OGA: variants seen among roughly 807,000 people sequenced by gnomAD.
OGA encodes the protein O-GlcNAcase.
In OGA, 21 loss-of-function variants were observed where a neutral mutation model predicts 102.0. The ratio of observed to expected loss-of-function variants is 0.21; its 90% confidence interval spans 0.15 to 0.30. OGA has a LOEUF of 0.30. OGA is among the 10% of genes least tolerant of loss of function. The pLI is 1.00. For synonymous variants in OGA, 408 were observed against 378.2 expected (o/e 1.08, Z -0.91); for missense variants, 765 against 1,107.8 (o/e 0.69, Z 4.39).
chr10:101,811,953 GA>G (rs1420410843), intron 3 of OGA, among the ~76,000 whole-genome samples: 1 of 152,050 alleles, frequency 6.6e-6, no homozygotes, highest in African/African-American at 2.4e-5. Flanking sequence ...AGCACCACCA[GA>G]AAGTAATTAA....
chr10:101,798,365 G>A (rs1301160644), intron 9 of OGA, among the ~76,000 whole-genome samples: 1 of 150,988 alleles, frequency 6.6e-6, no homozygotes, highest in Non-Finnish European at 1.5e-5. Context: ...TGAAACTGAA[G>A]GTACCAGATT....
intron 3 of OGA, among the ~76,000 whole-genome samples, chr10:101,810,587 A>G (rs998222257): frequency 1.3e-5 from 2 of 152,248 alleles, no homozygotes; most frequent in African/African-American, 4.8e-5. Context: ...TCACTTCCAA[A>G]TAGTTTCTTA....
Position 101,800,522 on chromosome 10 carries a change from GAACA to G in OGA, c.1037-126_1037-123del, listed in dbSNP as rs2065375480. On this transcript the variant is annotated intron_variant, in intron 7 of 15. Coordinates refer to ENST00000361464, the MANE Select transcript of OGA (RefSeq NM_012215.5). ...ACCACAGAAACAAAGAACAGAATGA[GAACA>G]AACCTTAAACATAAAAATTCAAATA... 4.2e-6 allele frequency: 3 copies of G among 714,948 alleles called. 1 individual carries two copies. Among genetic ancestry groups the G allele is most frequent in the South Asian group, 4.1e-5 (2 of 48,442 alleles). 44.3% of individuals were successfully genotyped at this position (714,948 alleles called of 1,614,324 possible).
chr10:101,816,077 G>C (rs879238735), intron 1 of OGA, among the ~76,000 whole-genome samples: 2 of 147,134 alleles, frequency 1.4e-5, no homozygotes, highest in Admixed American at 1.4e-4. Flanking sequence ...GTGGAAACCT[G>C]CCTGGGCAAC....
At chr10:101,797,481 GAATA>G (rs2065330559) in intron 10 of OGA, 1 of 158,822 alleles carries the variant, frequency 6.3e-6, no homozygotes. Flanking sequence ...AAATAATACT[GAATA>G]GCACCAGAAT....
chr10:101,800,951 T>C (rs1589831318), intron 7 of OGA, among the ~76,000 whole-genome samples: 1 of 151,944 alleles, frequency 6.6e-6, no homozygotes, highest in East Asian at 1.9e-4. Flanking sequence ...ATTTTTCTAT[T>C]ATTCGTGAAG....
At chr10:101,808,765 C>T (rs925160226) in intron 4 of OGA, among the ~76,000 whole-genome samples, 3 of 151,992 alleles carry the variant, frequency 2.0e-5, no homozygotes, top group African/African-American at 7.3e-5. Flanking sequence ...GTTAGGAGTT[C>T]GAGACCAGCC....
intron 1 of OGA, among the ~76,000 whole-genome samples, chr10:101,815,989 A>AAAAAAAAAAAT (rs2065618933): frequency 6.7e-6 from 1 of 150,106 alleles, no homozygotes; most frequent in Non-Finnish European, 1.5e-5. Context: ...AAAAAAAAAA[A>AAAAAAAAAAAT]AGCCAGGCGC....
intron 1 of OGA, among the ~76,000 whole-genome samples, 175 bp from the exon 2 acceptor site, chr10:101,813,781 C>T (rs980476300): frequency 1.3e-4 from 20 of 152,214 alleles, no homozygotes; most frequent in Admixed American, 5.2e-4. Context: ...TGGGTGGTGA[C>T]GTTACAAGGT....
intron 15 of OGA, 85 bp downstream of exon 15, chr10:101,787,279 T>G (rs1284324660): frequency 1.5e-6 from 2 of 1,343,868 alleles, no homozygotes; most frequent in East Asian, 4.7e-5. Context: ...AATTTACAAT[T>G]CACTTCTTTC....
intron 1 of OGA, among the ~76,000 whole-genome samples, chr10:101,816,786 C>G (rs192415409): frequency 1.3e-5 from 2 of 152,058 alleles, no homozygotes; most frequent in East Asian, 3.9e-4. Context: ...ACCCATTTTT[C>G]GAAAGAATAC....
rs1401522034 is a variant in OGA at position 101,785,916 on chromosome 10, GAAT to G, written c.*532_*534del. The G allele has an allele frequency of 6.6e-6, 1 of 152,232 alleles. No homozygotes were observed. Among genetic ancestry groups the G allele is most frequent in the African/African-American group, 2.4e-5 (1 of 41,454 alleles). 9.4% of individuals were successfully genotyped at this position (152,232 alleles called of 1,614,324 possible). On this transcript the variant is annotated 3_prime_UTR_variant, in exon 16 of 16. Transcript: ENST00000361464. The stretch of plus-strand genomic sequence containing the variant: ...ATTGGCCACGGCTTTACAAAAAGCA[GAAT>G]AACTGCCCCAAATTGAAATTATTTA...
chr10:101,789,255 T>C (rs573411167), intron 14 of OGA, among the ~76,000 whole-genome samples: 46 of 151,942 alleles, frequency 3.0e-4, no homozygotes, highest in Non-Finnish European at 5.9e-4. Flanking sequence ...TCCTAGCACT[T>C]TGGGAGGCTG....
At chr10:101,806,567 G>A (rs2065477524) in intron 5 of OGA, among the ~76,000 whole-genome samples, 1 of 152,192 alleles carries the variant, frequency 6.6e-6, no homozygotes, top group African/African-American at 2.4e-5. Flanking sequence ...AAAGTGGGCA[G>A]TTCATTTAAG....
intron 6 of OGA, 116 bp from the exon 7 acceptor site, chr10:101,804,135 A>G: frequency 1.2e-6 from 1 of 855,200 alleles, no homozygotes; most frequent in Non-Finnish European, 1.8e-6. Flanking sequence ...ATTTGAGCCC[A>G]GGAGTTCGGA....
intron 7 of OGA, among the ~76,000 whole-genome samples, chr10:101,801,194 T>G (rs1355673650): frequency 6.6e-6 from 1 of 151,846 alleles, no homozygotes; most frequent in African/African-American, 2.4e-5. Context: ...AGTTTGAGAC[T>G]AGCCTGGCCA....
chr10:101,818,014 C>G lies in OGA; in HGVS notation c.9G>C (p.Gln3His), dbSNP rs748597306. Reference protein sequence around the residue: MVQKESQATLEER... With the variant: MVHKESQATLEER... Reference sequence around the variant, plus strand: ...CCTCCAACGTCGCTTGACTCTCCTTCTGCACCATCCTCCTGCCCCCGGCCG... The same window carrying G: ...CCTCCAACGTCGCTTGACTCTCCTTGTGCACCATCCTCCTGCCCCCGGCCG... The change falls in exon 1 of 16, where the codon CAG becomes CAC. Residue 3 changes from glutamine to histidine, a missense_variant. This residue lies in a region of OGA where 117 missense variants were observed against 85.7 expected (regional missense o/e 1.36). Coordinates refer to ENST00000361464, the MANE Select transcript of OGA (RefSeq NM_012215.5). 61 of 1,588,024 alleles carry G rather than the reference C, an allele frequency of 3.8e-5. No individual in the cohort carries two copies. The highest frequency in any genetic ancestry group is 4.7e-5 in the Non-Finnish European group (55 of 1,161,902).
At position 101,818,413 on chromosome 10, in the gene OGA, C is replaced by A; in HGVS notation, c.-391G>T. On this transcript the variant is annotated 5_prime_UTR_variant, in exon 1 of 16. Coordinates refer to ENST00000361464, the MANE Select transcript of OGA (RefSeq NM_012215.5). Reference sequence around the variant, plus strand: ...CAAGCCCCGAGCTCTCCCTCTGCTGCTGCCTCCACCGCCCGCTTCCTGTTT... The same window carrying A: ...CAAGCCCCGAGCTCTCCCTCTGCTGATGCCTCCACCGCCCGCTTCCTGTTT... The A allele has an allele frequency of 9.8e-7, 1 of 1,017,278 alleles. No homozygotes were observed. The highest frequency in any genetic ancestry group is 1.2e-6 in the Non-Finnish European group (1 of 850,072). The allele number at this position is 1,017,278 out of a possible 1,614,324, so 63.0% of individuals were successfully genotyped here. A position where few individuals can be genotyped will look rare whatever the true frequency, so the allele number is the denominator to read the frequency against.
chr10:101,804,271 A>AC (rs1019013394), intron 6 of OGA, among the ~76,000 whole-genome samples: 35 of 147,626 alleles, frequency 2.4e-4, no homozygotes, highest in Middle Eastern at 3.6e-3. Context: ...CCTTACGTGT[A>AC]CTTTTTTTTT....
Sources: allele counts gnomAD v4.1 joint callset (sites outside exome capture counted in the v4.1 genomes callset), GRCh38; gene constraint gnomAD v4.1.1; regional missense constraint gnomAD v4.1.1; transcripts MANE v1.5; gene names NCBI Gene and HGNC (gene_info 2026-07-23, HGNC 2026-07-21).